The following TANC1 variants were observed in gnomAD, a reference collection of about 807,000 sequenced individuals.
The protein encoded by TANC1 is tetratricopeptide repeat, ankyrin repeat and coiled-coil containing 1.
TANC1 carries 77 observed loss-of-function variants against 149.7 expected under a neutral mutation model. The ratio of observed to expected loss-of-function variants is 0.51; its 90% CI spans 0.43 to 0.62. The LOEUF is 0.62. Ranked by LOEUF, TANC1 falls within the 20% of genes least tolerant of loss-of-function variation. TANC1 has a pLI of 0.00. For missense variants in TANC1, 1,985 were observed against 2,321.8 expected, an observed-to-expected ratio of 0.85 and a Z score of 2.98; for synonymous variants, 854 against 925.0, an observed-to-expected ratio of 0.92 and a Z score of 1.39.
intron 1 of TANC1, among the ~76,000 whole-genome samples, chr2:158,993,055 T>C (rs2035822300): frequency 6.6e-6 from 1 of 152,162 alleles, no homozygotes; most frequent in African/African-American, 2.4e-5. Flanking sequence ...GAGAAAATAT[T>C]TAGCAAGTAT....
chr2:159,189,169 A>C (rs2057253242), intron 16 of TANC1, among the ~76,000 whole-genome samples: 1 of 152,252 alleles, frequency 6.6e-6, no homozygotes, highest in Admixed American at 6.5e-5. Flanking sequence ...TTATGTTTAC[A>C]TGAATTGTTG....
chr2:159,060,967 T>C (rs904709479), intron 2 of TANC1, among the ~76,000 whole-genome samples: 1 of 152,228 alleles, frequency 6.6e-6, no homozygotes, highest in Non-Finnish European at 1.5e-5. Context: ...AGAGAGGTTG[T>C]GCCTGTCCCC....
chr2:158,999,877 C>T lies in TANC1; in HGVS notation c.-125-1203C>T, dbSNP rs775345391. On this transcript the variant is annotated intron_variant, in intron 1 of 26. Coordinates refer to ENST00000263635, the MANE Select transcript of TANC1 (RefSeq NM_033394.3). ...AGGGAGACAGACAATCAAAAATTAG[C>T]GAAGTAAAGTTTACATAGGTATGAG... Among the ~76,000 whole-genome samples, 6 of 152,132 alleles carry T rather than the reference C, an allele frequency of 3.9e-5. No individual in the cohort carries two copies. In the South Asian group the frequency reaches 6.2e-4, roughly 16 times the overall value.
Position 159,159,717 on chromosome 2 carries a change from TGAGAGAGAGAGAGA to T in TANC1, c.683-3535_683-3522del, listed in dbSNP as rs56101796. On this transcript the variant is annotated intron_variant, in intron 7 of 26. Coordinates refer to ENST00000263635, the MANE Select transcript of TANC1 (RefSeq NM_033394.3). ...GTGTGTGTGTGTGTGTGTGTGTGTG[TGAGAGAGAGAGAGA>T]GAGAGAGAGAGAGAGAGAGAGAGAG... 6.6e-3 allele frequency among the ~76,000 whole-genome samples: 762 copies of T among 114,966 alleles called. 8 individuals are homozygous for T. Among genetic ancestry groups the T allele is most frequent in the African/African-American group, 0.017 (503 of 28,952 alleles). 75.4% of individuals were successfully genotyped at this position (114,966 alleles called of 152,430 possible).
chr2:159,011,883 G>C (rs1056438630), intron 2 of TANC1, among the ~76,000 whole-genome samples: 9 of 152,188 alleles, frequency 5.9e-5, no homozygotes, highest in African/African-American at 2.2e-4. Context: ...GGGCCAGAAG[G>C]CTGACCAGAC....
chr2:159,214,188 G>T (rs2059197247), intron 19 of TANC1, among the ~76,000 whole-genome samples: 1 of 107,368 alleles, frequency 9.3e-6, no homozygotes, highest in African/African-American at 3.8e-5. Context: ...GGTGGGGGGT[G>T]GGTATTGTGT....
chr2:159,221,673 T>C (rs2059716620), intron 22 of TANC1, among the ~76,000 whole-genome samples: 1 of 152,226 alleles, frequency 6.6e-6, no homozygotes, highest in Non-Finnish European at 1.5e-5. Context: ...GATTTCCTTA[T>C]TTTAAAGCCT....
intron 4 of TANC1, among the ~76,000 whole-genome samples, chr2:159,133,215 G>A (rs938345911): frequency 1.3e-5 from 2 of 152,092 alleles, no homozygotes; most frequent in African/African-American, 2.4e-5. Flanking sequence ...ATAACAAAGA[G>A]CTTTACCTCC....
At chr2:159,136,581 G>A (rs888928041) in intron 5 of TANC1, among the ~76,000 whole-genome samples, 2 of 152,132 alleles carry the variant, frequency 1.3e-5, no homozygotes, top group Non-Finnish European at 2.9e-5. Context: ...GATAGGAAGC[G>A]TCACCCAGTA....
intron 5 of TANC1, among the ~76,000 whole-genome samples, chr2:159,138,645 AC>A (rs2051037135): frequency 6.6e-6 from 1 of 152,174 alleles, no homozygotes; most frequent in Non-Finnish European, 1.5e-5. Flanking sequence ...CTTAAGTTTT[AC>A]TTTAAAATGT....
intron 1 of TANC1, among the ~76,000 whole-genome samples, chr2:158,982,833 A>T (rs1184266624): frequency 1.3e-5 from 2 of 152,076 alleles, no homozygotes; most frequent in Non-Finnish European, 2.9e-5. Context: ...TATGTCACCC[A>T]GGCTGGTCTC....
chr2:159,172,843 T>C (rs2055403033), intron 11 of TANC1, among the ~76,000 whole-genome samples: 1 of 152,222 alleles, frequency 6.6e-6, no homozygotes, highest in Non-Finnish European at 1.5e-5. Context: ...CCTAGTGAGC[T>C]ACTTAAGTTT....
chr2:159,222,817 T>A (rs1407714472), intron 22 of TANC1, among the ~76,000 whole-genome samples: 2 of 152,200 alleles, frequency 1.3e-5, no homozygotes, highest in African/African-American at 2.4e-5. Context: ...ACTGCCCTAC[T>A]TTTTTTCCAC....
chr2:159,077,163 T>C (rs905043112), intron 3 of TANC1, among the ~76,000 whole-genome samples: 2 of 152,110 alleles, frequency 1.3e-5, no homozygotes, highest in Admixed American at 1.3e-4. Flanking sequence ...GATTACGCAG[T>C]CCTCCCACCT....
chr2:159,171,616 G>A (rs1270408759), intron 10 of TANC1, among the ~76,000 whole-genome samples: 3 of 152,112 alleles, frequency 2.0e-5, no homozygotes, highest in African/African-American at 7.2e-5. Context: ...CAGCACTTTG[G>A]TAGGCCAAGA....
At chr2:159,115,873 G>A (rs753134917) in intron 4 of TANC1, among the ~76,000 whole-genome samples, 1 of 152,158 alleles carries the variant, frequency 6.6e-6, no homozygotes, top group Non-Finnish European at 1.5e-5. Context: ...TTCAGCCCTC[G>A]TTGGTCCTGG....
chr2:159,218,869 G>C (rs950473579), intron 20 of TANC1, among the ~76,000 whole-genome samples: 1 of 152,110 alleles, frequency 6.6e-6, no homozygotes, highest in Non-Finnish European at 1.5e-5. Context: ...CAGTGCCCGT[G>C]GGGGACCCCA....
Position 159,186,936 on chromosome 2 carries a change from A to G in TANC1, c.2654A>G (p.His885Arg), listed in dbSNP as rs779524257. 36 of 1,614,100 alleles carry G rather than the reference A, an allele frequency of 2.2e-5. No individual in the cohort carries two copies. Among genetic ancestry groups the G allele is most frequent in the Non-Finnish European group, 2.5e-5 (30 of 1,180,038 alleles). Residue 885 changes from histidine to arginine, a missense_variant, in exon 16 of 27, where the codon CAT becomes CGT. His to Arg is a conservative substitution (Grantham distance 29). This residue lies in a region of TANC1 where 508 missense variants were observed against 714.2 expected (regional missense o/e 0.71). Transcript: ENST00000263635. ...LSKKTGISSS[H>R]LQALWIGYST... The stretch of plus-strand genomic sequence containing the variant: ...AAGAAGACGGGAATTTCTTCAAGCC[A>G]TCTCCAAGCCCTGTGGATCGGCTAC...
intron 4 of TANC1, among the ~76,000 whole-genome samples, chr2:159,105,985 G>C (rs1280994929): frequency 1.4e-5 from 2 of 147,762 alleles, no homozygotes; most frequent in African/African-American, 2.5e-5. Flanking sequence ...AAAAAAAACT[G>C]TTTCTGGTTC....
Sources: gnomAD v4.1 joint callset for allele counts (sites outside exome capture counted in the v4.1 genomes callset) on GRCh38, gnomAD v4.1.1 for gene constraint, gnomAD v4.1.1 regional missense constraint, MANE v1.5 for transcripts, NCBI Gene and HGNC (gene_info 2026-07-23, HGNC 2026-07-21) for gene names.